FGD4: variants seen among roughly 807,000 people sequenced by gnomAD.
FGD4 encodes FYVE, RhoGEF and PH domain-containing protein 4.
A neutral mutation model predicts 102.0 loss-of-function variants in FGD4; 42 were observed. The ratio of observed to expected loss-of-function variants is 0.41; its 90% CI spans 0.32 to 0.53. FGD4 has a LOEUF of 0.53. Among genes scored for constraint, FGD4 ranks in the 20% least tolerant of loss-of-function variants. The probability of loss-of-function intolerance (pLI) is 0.21; values close to 1 mark genes in which losing one functional copy is unlikely to be tolerated. For missense variants in FGD4, 902 were observed against 1,078.2 expected (o/e 0.84, Z 2.29); for synonymous variants, 380 against 375.7 (o/e 1.01, Z -0.13).
chr12:32,401,988 C>T (rs73296079), intron 1 of FGD4, among the ~76,000 whole-genome samples: 13,917 of 148,282 alleles, frequency 0.094, 1,275 homozygotes, highest in African/African-American at 0.21. Context: ...CTGCAAGCTC[C>T]GCCTCCCGGG....
intron 15 of FGD4, among the ~76,000 whole-genome samples, chr12:32,634,499 C>T (rs969514126): frequency 6.6e-6 from 1 of 151,996 alleles, no homozygotes; most frequent in Non-Finnish European, 1.5e-5. Flanking sequence ...CAGACCCCCC[C>T]ACCCCAAGCC....
intron 4 of FGD4, among the ~76,000 whole-genome samples, chr12:32,590,198 C>T (rs1947353642): frequency 6.6e-6 from 1 of 151,106 alleles, no homozygotes; most frequent in African/African-American, 2.4e-5. Flanking sequence ...ATCCCAGCTA[C>T]TCAGTGGGTG....
At chr12:32,570,075 C>CT (rs899799368) in intron 2 of FGD4, among the ~76,000 whole-genome samples, 2 of 151,814 alleles carry the variant, frequency 1.3e-5, no homozygotes, top group African/African-American at 4.8e-5. Context: ...ACCCCATCTA[C>CT]TAAAGATACA....
Position 32,610,813 on chromosome 12 carries a change from T to G in FGD4, c.1581T>G (p.Ser527=). 1 of 1,613,720 alleles carries G rather than the reference T, an allele frequency of 6.2e-7. No homozygotes were observed. Among genetic ancestry groups the G allele is most frequent in the Non-Finnish European group, 8.5e-7 (1 of 1,179,846 alleles). ...TTATATCTACAGCAGCAAGCCATTC[T>G]AATAGTGCAATAAGGAAAATGGTAA... is the stretch of plus-strand genomic sequence containing the variant. ...LEIISTAASH[S]NSAIRKMENL... The change falls in exon 9 of 17, where the codon TCT becomes TCG. Residue 527 remains serine, a synonymous_variant. Transcript: ENST00000534526.
chr12:32,410,196 C>T (rs572400671), intron 1 of FGD4, among the ~76,000 whole-genome samples: 4 of 152,042 alleles, frequency 2.6e-5, no homozygotes, highest in African/African-American at 9.6e-5. Context: ...GGTCTGGTGG[C>T]GGGCGCCTGC....
intron 3 of FGD4, among the ~76,000 whole-genome samples, chr12:32,580,145 A>G (rs1043217402): frequency 6.6e-6 from 1 of 152,144 alleles, no homozygotes; most frequent in African/African-American, 2.4e-5. Context: ...GGTGAAGACC[A>G]TGGGATTTAG....
intron 1 of FGD4, among the ~76,000 whole-genome samples, chr12:32,407,121 AT>A (rs35497027): frequency 0.016 from 1,499 of 90,914 alleles, 24 homozygotes; most frequent in African/African-American, 0.051. Context: ...AAGAAGCTGT[AT>A]TTTTTTTTTT....
At chr12:32,500,159 G>A (rs181362280) in intron 1 of FGD4, among the ~76,000 whole-genome samples, 1 of 152,172 alleles carries the variant, frequency 6.6e-6, no homozygotes, top group Non-Finnish European at 1.5e-5. Flanking sequence ...GACAAATGAG[G>A]TTCTCGTTCC....
At chr12:32,453,239 T>A (rs12301227) in intron 1 of FGD4, among the ~76,000 whole-genome samples, 1,716 of 47,338 alleles carry the variant, frequency 0.036, 48 homozygotes, top group African/African-American at 0.099. Context: ...ATATATATAT[T>A]TTTTTTTTTT....
intron 2 of FGD4, among the ~76,000 whole-genome samples, chr12:32,566,398 C>G (rs528290009): frequency 1.3e-5 from 2 of 152,106 alleles, no homozygotes; most frequent in African/African-American, 2.4e-5. Context: ...CACAGCACTC[C>G]GTATGAACTT....
At chr12:32,508,191 G>C (rs748581814) in intron 1 of FGD4, among the ~76,000 whole-genome samples, 16 of 152,222 alleles carry the variant, frequency 1.1e-4, no homozygotes, top group Non-Finnish European at 2.4e-4. Context: ...AAGGAGATAT[G>C]ATGGGCCAGG....
At chr12:32,474,142 A>G (rs778631410) in intron 1 of FGD4, among the ~76,000 whole-genome samples, 8 of 151,960 alleles carry the variant, frequency 5.3e-5, no homozygotes, top group Non-Finnish European at 1.0e-4. Context: ...GCCCTGACAC[A>G]CTGCTGGTAG....
chr12:32,446,411 T>C (rs563371108), intron 1 of FGD4, among the ~76,000 whole-genome samples: 1 of 152,138 alleles, frequency 6.6e-6, no homozygotes, highest in African/African-American at 2.4e-5. Flanking sequence ...GAGGCTTCAG[T>C]ATGATGAATA....
intron 1 of FGD4, among the ~76,000 whole-genome samples, chr12:32,402,244 C>T (rs7316164): frequency 0.019 from 2,929 of 150,780 alleles, 116 homozygotes; most frequent in African/African-American, 0.066. Context: ...AGTTTGAGAC[C>T]GGCCTGGGAA....
rs1410020196 is a variant in FGD4, at chr12:32,636,067, T to G, written c.2313+2378T>G. ...TAAGGATCTACTAATAAGAATGGAATTCTTTGGGGGAGGATAACCATTCAC... is the reference window on the plus strand; with the variant it reads ...TAAGGATCTACTAATAAGAATGGAAGTCTTTGGGGGAGGATAACCATTCAC... On this transcript the variant is annotated intron_variant, in intron 15 of 16. Transcript: ENST00000534526. 4.6e-5 allele frequency among the ~76,000 whole-genome samples: 7 copies of G among 151,324 alleles called. No homozygotes were observed. The East Asian group carries it at 9.7e-4, about 21-fold the overall frequency.
intron 4 of FGD4, among the ~76,000 whole-genome samples, chr12:32,587,865 T>C (rs1947174480): frequency 6.6e-6 from 1 of 152,140 alleles, no homozygotes; most frequent in African/African-American, 2.4e-5. Flanking sequence ...TTTGGAGATA[T>C]TAATTAAGCA....
chr12:32,420,751 C>G (rs1941596571), intron 1 of FGD4, among the ~76,000 whole-genome samples: 1 of 152,168 alleles, frequency 6.6e-6, no homozygotes, highest in Non-Finnish European at 1.5e-5. Context: ...TCTGTGTCTG[C>G]CCTATAGCCC....
chr12:32,436,206 G>A (rs1942223552), intron 1 of FGD4, among the ~76,000 whole-genome samples: 1 of 152,126 alleles, frequency 6.6e-6, no homozygotes, highest in African/African-American at 2.4e-5. Context: ...GACTGGAAGT[G>A]GAAGGAGAGA....
In FGD4 at chr12:32,615,428, G is replaced by T. The variant is rs921587933; in HGVS notation, c.1749+4145G>T. On this transcript the variant is annotated intron_variant, in intron 10 of 16. Transcript: ENST00000534526. The stretch of plus-strand genomic sequence containing the variant: ...AAACCATGATTTGTACATTTTAAAA[G>T]AGTAAATTTTATGGTATGTGAATAT... 5.3e-5 allele frequency among the ~76,000 whole-genome samples: 8 copies of T among 152,124 alleles called. No homozygotes were observed. The East Asian group carries it at 1.2e-3, about 22-fold the overall frequency.
Sources: allele counts gnomAD v4.1 joint callset (sites outside exome capture counted in the v4.1 genomes callset), GRCh38; gene constraint gnomAD v4.1.1; transcripts MANE v1.5; gene names NCBI Gene and HGNC (gene_info 2026-07-23, HGNC 2026-07-21).